ZFHX3: variants seen among roughly 807,000 people sequenced by gnomAD.
The protein encoded by ZFHX3 is zinc finger homeobox protein 3.
Under a neutral mutation model 279.1 loss-of-function variants are expected in ZFHX3, and 42 were observed. The observed-to-expected ratio is 0.15, with a 90% CI of 0.12 to 0.19. ZFHX3 has a LOEUF of 0.19. ZFHX3 is among the 10% of genes least tolerant of loss of function. ZFHX3 has a pLI of 1.00. For synonymous variants in ZFHX3, 2,293 were observed against 1,957.8 expected (o/e 1.17, Z -4.52); for missense variants, 4,981 against 4,754.0 (o/e 1.05, Z -1.40).
At chr16:73,473,358 C>CAAAAAAAAAAA (rs1300049292) in intron 2 of ZFHX3, among the ~76,000 whole-genome samples, 2 of 43,162 alleles carry the variant, frequency 4.6e-5, no homozygotes, top group African/African-American at 1.6e-4. Flanking sequence ...AAAAAAAAAA[C>CAAAAAAAAAAA]AAAAAAAAAA....
chr16:72,832,807 C>G (rs1046244990), intron 4 of ZFHX3, among the ~76,000 whole-genome samples: 4 of 152,246 alleles, frequency 2.6e-5, no homozygotes, highest in African/African-American at 9.6e-5. Context: ...ACCGCCTAAC[C>G]TGAGCATGTG....
chr16:73,474,369 G>T (rs989667366), intron 2 of ZFHX3, among the ~76,000 whole-genome samples: 1 of 152,118 alleles, frequency 6.6e-6, no homozygotes, highest in Non-Finnish European at 1.5e-5. Flanking sequence ...GGCCGGTCTC[G>T]AACTCCTGAC....
At chr16:73,404,981 C>G (rs941292754) in intron 3 of ZFHX3, among the ~76,000 whole-genome samples, 3 of 152,182 alleles carry the variant, frequency 2.0e-5, no homozygotes, top group African/African-American at 7.2e-5. Flanking sequence ...ATCCTTAGAC[C>G]ATTTGCAACG....
At chr16:73,309,586 C>T (rs1442689799) in intron 4 of ZFHX3, among the ~76,000 whole-genome samples, 1 of 152,102 alleles carries the variant, frequency 6.6e-6, no homozygotes, top group East Asian at 1.9e-4. Context: ...GTGGGGTTTG[C>T]CCTTGATTAG....
intron 2 of ZFHX3, chr16:73,486,860 G>C: frequency 2.2e-6 from 1 of 456,018 alleles, no homozygotes; most frequent in Non-Finnish European, 4.4e-6. Flanking sequence ...CCAGAACCTG[G>C]AGCAAGACCA....
At chr16:73,760,326 C>T (rs1464839617) in intron 1 of ZFHX3, among the ~76,000 whole-genome samples, 1 of 152,074 alleles carries the variant, frequency 6.6e-6, no homozygotes, top group African/African-American at 2.4e-5. Context: ...TGCCGAGGAC[C>T]AGACGGATTT....
chr16:73,074,803 C>CT (rs144053976), intron 8 of ZFHX3, among the ~76,000 whole-genome samples: 8,097 of 151,456 alleles, frequency 0.053, 740 homozygotes, highest in African/African-American at 0.18. Flanking sequence ...TTTTCTTTTC[C>CT]TTTTCTTTTT....
intron 1 of ZFHX3, among the ~76,000 whole-genome samples, chr16:73,803,164 A>G (rs1466033161): frequency 1.3e-5 from 2 of 152,246 alleles, no homozygotes; most frequent in African/African-American, 4.8e-5. Flanking sequence ...AACTCAAAAG[A>G]AAACAGGCAA....
chr16:73,804,947 G>GAAGGGAGGGAGAGAGGGAGAGA (rs1960238465), intron 1 of ZFHX3, among the ~76,000 whole-genome samples: 1 of 108,718 alleles, frequency 9.2e-6, no homozygotes, highest in African/African-American at 3.3e-5. Flanking sequence ...AGAGGGAGAG[G>GAAGGGAGGGAGAGAGGGAGAGA]AAGGGAGGGA....
intron 5 of ZFHX3, among the ~76,000 whole-genome samples, chr16:73,186,767 A>G (rs1967920374): frequency 6.6e-6 from 1 of 152,206 alleles, no homozygotes; most frequent in Non-Finnish European, 1.5e-5. Flanking sequence ...AACAATGCCC[A>G]TTATATTATT....
At chr16:72,791,162 G>A (rs901854127) in intron 9 of ZFHX3, 2 of 152,126 alleles carry the variant, frequency 1.3e-5, no homozygotes, top group Non-Finnish European at 2.9e-5. Context: ...TGGGACTTTC[G>A]GTTGAACTCT....
chr16:72,929,187 G>A (rs1017424169), intron 3 of ZFHX3, among the ~76,000 whole-genome samples: 1 of 149,696 alleles, frequency 6.7e-6, no homozygotes, highest in Non-Finnish European at 1.5e-5. Context: ...GCAGTGAGCC[G>A]AGATGGCGCC....
intron 2 of ZFHX3, among the ~76,000 whole-genome samples, chr16:72,956,137 A>G (rs1025030985): frequency 6.6e-6 from 1 of 152,268 alleles, no homozygotes; most frequent in Non-Finnish European, 1.5e-5. Context: ...CATAGCAAGA[A>G]AAACCAATGG....
chr16:72,797,584 T>C lies in ZFHX3; in HGVS notation c.5098A>G (p.Asn1700Asp). 1 of 1,614,112 alleles carries C rather than the reference T, an allele frequency of 6.2e-7. No homozygotes were observed. Among genetic ancestry groups the C allele is most frequent in the Non-Finnish European group, 8.5e-7 (1 of 1,180,006 alleles). Reference sequence around the variant, plus strand: ...TTGGGCTCTGAAGGGGAAGCAATGTTGGCACCAATAGGATTCCCCAGGGGT... The same window carrying C: ...TTGGGCTCTGAAGGGGAAGCAATGTCGGCACCAATAGGATTCCCCAGGGGT... ...MPPLGNPIGA[N>D]IASPSEPKEA... Residue 1700 changes from asparagine (N) to aspartate (D), a missense_variant, in exon 9 of 10, where the codon AAC (asparagine) becomes GAC (aspartate). Coordinates refer to ENST00000268489, the MANE Select transcript of ZFHX3 (RefSeq NM_006885.4).
intron 3 of ZFHX3, among the ~76,000 whole-genome samples, chr16:73,406,999 C>T (rs150499376): frequency 6.6e-6 from 1 of 152,140 alleles, no homozygotes; most frequent in South Asian, 2.1e-4. Flanking sequence ...ATGCCCTCCT[C>T]CAAGGGTGGC....
chr16:73,182,495 A>G (rs1967819599), intron 5 of ZFHX3, among the ~76,000 whole-genome samples: 2 of 152,122 alleles, frequency 1.3e-5, no homozygotes, highest in African/African-American at 4.8e-5. Flanking sequence ...ATCTCAAATA[A>G]CTAAAAATAG....
intron 2 of ZFHX3, among the ~76,000 whole-genome samples, chr16:73,665,678 A>G (rs2052831353): frequency 6.6e-6 from 1 of 151,918 alleles, no homozygotes; most frequent in Admixed American, 6.6e-5. Context: ...AAGATAATTC[A>G]TTTTAAAAGC....
upstream of ZFHX3, among the ~76,000 whole-genome samples, chr16:73,052,049 G>T (rs1028320188): frequency 2.0e-5 from 3 of 152,194 alleles, no homozygotes; most frequent in Middle Eastern, 3.4e-3. Context: ...CTCCTATTTT[G>T]TTCATAGGCC....
chr16:73,413,511 C>T (rs1265017471), intron 3 of ZFHX3, among the ~76,000 whole-genome samples: 1 of 152,144 alleles, frequency 6.6e-6, no homozygotes, highest in Non-Finnish European at 1.5e-5. Context: ...GATGTGGAAA[C>T]AGCACTTAGA....
Sources: gnomAD v4.1 joint callset for allele counts (sites outside exome capture counted in the v4.1 genomes callset) on GRCh38, gnomAD v4.1.1 for gene constraint, MANE v1.5 for transcripts, NCBI Gene and HGNC (gene_info 2026-07-23, HGNC 2026-07-21) for gene names.